The following LGALS12 variants were observed in gnomAD, a reference collection of about 807,000 sequenced individuals.
LGALS12 encodes the protein galectin-12.
LGALS12 carries 36 observed loss-of-function variants against 36.8 expected under a neutral mutation model. That is an observed-to-expected ratio of 0.98 (90% confidence interval 0.75 to 1.29). The LOEUF is 1.29. Among genes scored for constraint, LGALS12 ranks in the 50% most tolerant of loss-of-function variants. The pLI is 0.00. For missense variants in LGALS12, 366 were observed against 394.3 expected (o/e 0.93, Z 0.61); for synonymous variants, 145 against 155.9 (o/e 0.93, Z 0.52).
intron 8 of LGALS12, among the ~76,000 whole-genome samples, chr11:63,515,935 G>A (rs939083799): frequency 6.0e-5 from 9 of 149,846 alleles, no homozygotes; most frequent in African/African-American, 2.0e-4. Flanking sequence ...GTGGGGGGGG[G>A]CCCAGGCATC....
In LGALS12 at chr11:63,509,815, A is replaced by T. The variant is rs951110514; in HGVS notation, c.410A>T (p.Tyr137Phe). The T allele has an allele frequency of 6.2e-7, 1 of 1,614,174 alleles. No individual in the cohort carries two copies. Among genetic ancestry groups the T allele is most frequent in the Non-Finnish European group, 8.5e-7 (1 of 1,180,002 alleles). ...GGACAGCACTTTCTCCACTTCCGCTACCGGCTCCCACTGTCTCATGTGGAC... is the reference window on the plus strand; with the variant it reads ...GGACAGCACTTTCTCCACTTCCGCTTCCGGCTCCCACTGTCTCATGTGGAC... ...VNGQHFLHFR[Y>F]RLPLSHVDTL... Residue 137 changes from tyrosine (Y) to phenylalanine (F), a missense_variant, in exon 4 of 9, where the codon TAC becomes TTC. Physicochemically the swap from Tyr to Phe is conservative, Grantham distance 22. Transcript: ENST00000394618.
chr11:63,516,005 G>T (rs184123549), intron 8 of LGALS12, among the ~76,000 whole-genome samples: 11 of 152,280 alleles, frequency 7.2e-5, no homozygotes, highest in Non-Finnish European at 1.2e-4. Context: ...TCTACAGGAA[G>T]CAGCCCCAGT....
Position 63,508,900 on chromosome 11 carries a change from G to A in LGALS12, c.281G>A (p.Arg94His), listed in dbSNP as rs151129208. The change falls in exon 3 of 9, where the codon CGC (arginine) becomes CAC (histidine). Residue 94 changes from arginine (R) to histidine (H), a missense_variant. By Grantham distance (29) the Arg-to-His change is conservative. Transcript: ENST00000394618. ...HVICNTLHGGRWQREARWPHL... is the reference protein window; with the variant it reads ...HVICNTLHGGHWQREARWPHL... ...ATCTGCAACACCCTGCATGGTGGAC[G>A]CTGGCAAAGGGAGGCCCGGTGGCCC... 399 of 1,614,232 alleles carry A rather than the reference G, an allele frequency of 2.5e-4. No homozygotes were observed. The African/African-American group carries it at 4.0e-3, about 16-fold the overall frequency.
At chr11:63,513,112 T>G (rs2016977808) in intron 7 of LGALS12, among the ~76,000 whole-genome samples, 1 of 152,208 alleles carries the variant, frequency 6.6e-6, no homozygotes, top group Admixed American at 6.5e-5. Context: ...ATTCCTGGTT[T>G]TGTCTCTTAT....
chr11:63,511,675 C>T (rs1272764493), intron 6 of LGALS12, 77 bp from the exon 7 acceptor site: 4 of 1,040,008 alleles, frequency 3.8e-6, no homozygotes, highest in Non-Finnish European at 6.0e-6. Flanking sequence ...CCCAGTGCTC[C>T]CCTGGCCCCC....
At chr11:63,514,876 T>A (rs1006257411) in intron 7 of LGALS12, among the ~76,000 whole-genome samples, 1 of 151,950 alleles carries the variant, frequency 6.6e-6, no homozygotes, top group African/African-American at 2.4e-5. Context: ...TTTGTTCCTT[T>A]TTTTTTTTGG....
rs569390416 is a variant in LGALS12 at position 63,516,602 on chromosome 11, C to A, written c.*209C>A. ...TCCTCGAACTCTGCACCTTCCTCCACCAGGAGCCTGGGATATGGCTCCATC... is the reference window on the plus strand; with the variant it reads ...TCCTCGAACTCTGCACCTTCCTCCAACAGGAGCCTGGGATATGGCTCCATC... On this transcript the variant is annotated 3_prime_UTR_variant, in exon 9 of 9. Coordinates refer to ENST00000394618, the MANE Select transcript of LGALS12 (RefSeq NM_033101.4). The A allele has an allele frequency of 1.8e-5, 11 of 603,644 alleles. No homozygotes were observed. In the South Asian group the frequency reaches 2.2e-4, roughly 12 times the overall value. The allele number at this position is 603,644 out of a possible 1,614,324, so 37.4% of individuals were successfully genotyped here.
Position 63,511,792 on chromosome 11 carries a change from C to T in LGALS12, c.599C>T (p.Pro200Leu). 1 of 1,613,838 alleles carries T rather than the reference C, an allele frequency of 6.2e-7. No homozygotes were observed. Among genetic ancestry groups the T allele is most frequent in the Middle Eastern group, 1.6e-4 (1 of 6,062 alleles). ...CATGCTCTTCCCCAGGGTCTCTCGC[C>T]TGGGCAGGTCATCATAGTACGGGGA... ...CSHALPQGLSPGQVIIVRGLV... is the reference protein window; with the variant it reads ...CSHALPQGLSLGQVIIVRGLV... The change falls in exon 7 of 9, where the codon CCT (proline) becomes CTT (leucine). Residue 200 changes from proline (P) to leucine (L), a missense_variant. Coordinates refer to ENST00000394618, the MANE Select transcript of LGALS12 (RefSeq NM_033101.4).
In LGALS12 at chr11:63,507,725, C is replaced by CTTT. The variant is rs199594642; in HGVS notation, c.70-803_70-801dup. ...GTATTTTAGGAAGGCCAGGCAACTT[C>CTTT]TTTTTTTTTTTTTTTTTTTTTTTTT... On this transcript the variant is annotated intron_variant, in intron 1 of 8. Transcript: ENST00000394618. Among the ~76,000 whole-genome samples, 415 of 69,940 alleles carry CTTT rather than the reference C, an allele frequency of 5.9e-3. 55 individuals carry two copies. Among genetic ancestry groups the CTTT allele is most frequent in the Middle Eastern group, 0.013 (1 of 76 alleles). The allele number at this position is 69,940 out of a possible 152,430, so 45.9% of individuals were successfully genotyped here.
chr11:63,516,625 A>T lies in LGALS12; in HGVS notation c.*232A>T. 1.7e-6 allele frequency: 1 copy of T among 577,564 alleles called. No individual in the cohort carries two copies. Among genetic ancestry groups the T allele is most frequent in the Non-Finnish European group, 3.1e-6 (1 of 326,170 alleles). The allele number at this position is 577,564 out of a possible 1,614,324, so 35.8% of individuals were successfully genotyped here. A position where few individuals can be genotyped will look rare whatever the true frequency, so the allele number is the denominator to read the frequency against. On this transcript the variant is annotated 3_prime_UTR_variant, in exon 9 of 9. Transcript: ENST00000394618. ...CACCAGGAGCCTGGGATATGGCTCC[A>T]TCTGCCTTCAGGGCCTGGACTGCAC...
Position 63,510,447 on chromosome 11 carries a change from C to T in LGALS12, c.493-16C>T. The T allele has an allele frequency of 6.2e-7, 1 of 1,613,960 alleles. No individual in the cohort carries two copies. Among genetic ancestry groups the T allele is most frequent in the Non-Finnish European group, 8.5e-7 (1 of 1,179,800 alleles). ...GGTCCTAAATGCTGCTGATTCTTTT[C>T]TCTCTTTCTGAACAGCCATTTGTGG... On this transcript the variant is annotated splice_polypyrimidine_tract_variant and intron_variant, in intron 4 of 8. Transcript: ENST00000394618.
At chr11:63,515,460 A>C (rs909383126) in intron 7 of LGALS12, 103 bp from the exon 8 acceptor site, 3 of 1,382,820 alleles carry the variant, frequency 2.2e-6, no homozygotes, top group African/African-American at 1.4e-5. Context: ...GAAGCAGCTC[A>C]ACCTTCCATC....
chr11:63,508,336 T>TC, intron 1 of LGALS12: 1 of 1,411,500 alleles, frequency 7.1e-7, no homozygotes, highest in South Asian at 1.5e-5. Flanking sequence ...GAATTTGACT[T>TC]CTCTGGTGTA....
In LGALS12 at chr11:63,506,272, C is replaced by A; in HGVS notation, c.-187C>A. On this transcript the variant is annotated 5_prime_UTR_variant, in exon 1 of 9. Coordinates refer to ENST00000394618, the MANE Select transcript of LGALS12 (RefSeq NM_033101.4). Reference sequence around the variant, plus strand: ...CACCGGGAGTGGGGCTGGTGTGGAGCCTGGAGGTCGCCCGCTGCCCTCCTA... The same window carrying A: ...CACCGGGAGTGGGGCTGGTGTGGAGACTGGAGGTCGCCCGCTGCCCTCCTA... The A allele has an allele frequency of 8.9e-7, 1 of 1,121,298 alleles. No individual in the cohort carries two copies. Among genetic ancestry groups the A allele is most frequent in the Non-Finnish European group, 1.3e-6 (1 of 790,434 alleles). The allele number at this position is 1,121,298 out of a possible 1,614,324, so 69.5% of individuals were successfully genotyped here. A position where few individuals can be genotyped will look rare whatever the true frequency, so the allele number is the denominator to read the frequency against.
intron 1 of LGALS12, chr11:63,508,156 A>G: frequency 9.4e-7 from 1 of 1,060,286 alleles, no homozygotes; most frequent in Non-Finnish European, 1.1e-6. Flanking sequence ...CTTGCCTCCC[A>G]GTTCCTAGTC....
rs2017087543 is a variant in LGALS12 at position 63,516,431 on chromosome 11, GT to G, written c.*39del. On this transcript the variant is annotated 3_prime_UTR_variant, in exon 9 of 9. Coordinates refer to ENST00000394618, the MANE Select transcript of LGALS12 (RefSeq NM_033101.4). ...GGAAATACCGCCAGAAAACAAGAAG[GT>G]CAGCCCACTCCCAGGGCCCCACTCT... 6.2e-7 allele frequency: 1 copy of G among 1,611,864 alleles called. No homozygotes were observed. The highest frequency in any genetic ancestry group is 1.3e-5 in the African/African-American group (1 of 74,874).
In LGALS12 at chr11:63,508,420, T is replaced by C. The variant is rs942145940; in HGVS notation, c.70-133T>C. On this transcript the variant is annotated intron_variant, in intron 1 of 8. Coordinates refer to ENST00000394618, the MANE Select transcript of LGALS12 (RefSeq NM_033101.4). ...AAATATTTCAGTGAACACTGATTTT[T>C]ACCTATAAGGAATTTTCTGTTTGGA... The C allele has an allele frequency of 1.3e-5, 19 of 1,468,492 alleles. No individual in the cohort carries two copies. The African/African-American group carries it at 2.7e-4, about 21-fold the overall frequency. The allele number at this position is 1,468,492 out of a possible 1,614,324, so 91.0% of individuals were successfully genotyped here.
rs975892983 is a variant in LGALS12, at chr11:63,516,492, A to G, written c.*99A>G. ...ATTAAACCATCCACCTGACACCAGC[A>G]CATCAGGCCTGGTTCACCTCTGGGG... On this transcript the variant is annotated 3_prime_UTR_variant, in exon 9 of 9. Transcript: ENST00000394618. 2.2e-6 allele frequency: 3 copies of G among 1,384,828 alleles called. No individual in the cohort carries two copies. The highest frequency in any genetic ancestry group is 3.0e-6 in the Non-Finnish European group (3 of 990,228). 85.8% of individuals were successfully genotyped at this position (1,384,828 alleles called of 1,614,324 possible). A position where few individuals can be genotyped will look rare whatever the true frequency, so the allele number is the denominator to read the frequency against.
intron 5 of LGALS12, 66 bp from the exon 6 acceptor site, chr11:63,511,013 C>G: frequency 6.6e-7 from 1 of 1,515,102 alleles, no homozygotes; most frequent in Non-Finnish European, 9.2e-7. Context: ...GTTAGAATAA[C>G]AAGAGTTTCC....
Sources: allele counts gnomAD v4.1 joint callset (sites outside exome capture counted in the v4.1 genomes callset), GRCh38; gene constraint gnomAD v4.1.1; transcripts MANE v1.5; gene names NCBI Gene and HGNC (gene_info 2026-07-23, HGNC 2026-07-21).